Variants in KICS2 observed in about 807,000 individuals in gnomAD.
KICS2 encodes the protein KICSTOR subunit 2, also known as KICSTOR complex protein C12orf66.
KICS2 carries 13 observed loss-of-function variants against 31.4 expected under a neutral mutation model. The observed-to-expected ratio is 0.41, with a 90% CI of 0.27 to 0.66. The LOEUF is 0.66. Among genes scored for constraint, KICS2 ranks in the 30% least tolerant of loss-of-function variants. The pLI, the probability that KICS2 is intolerant of heterozygous loss-of-function variation, is 0.28. For missense variants in KICS2, 455 were observed against 545.4 expected (o/e 0.83, Z 1.65); for synonymous variants, 209 against 214.8 (o/e 0.97, Z 0.24).
chr12:64,193,501 A>T lies in KICS2; in HGVS notation c.*341T>A, dbSNP rs2037401275. ...GAGAGGCTGTTTGGAATTGCAGTAG[A>T]ACACAATGTTTAGAACAACAGAAAA... On this transcript the variant is annotated 3_prime_UTR_variant, in exon 3 of 3. Transcript: ENST00000398055. 1 of 1,040,616 alleles carries T rather than the reference A, an allele frequency of 9.6e-7. No homozygotes were observed. The highest frequency in any genetic ancestry group is 1.2e-6 in the Non-Finnish European group (1 of 865,668). The allele number at this position is 1,040,616 out of a possible 1,614,324, so 64.5% of individuals were successfully genotyped here. A position where few individuals can be genotyped will look rare whatever the true frequency, so the allele number is the denominator to read the frequency against.
At chr12:64,214,656 G>C (rs1463944538) in intron 2 of KICS2, among the ~76,000 whole-genome samples, 1 of 152,102 alleles carries the variant, frequency 6.6e-6, no homozygotes, top group Non-Finnish European at 1.5e-5. Context: ...AAGACAGGGA[G>C]ATCACAAGGT....
chr12:64,206,906 A>G (rs2037543277), intron 2 of KICS2, among the ~76,000 whole-genome samples: 1 of 152,196 alleles, frequency 6.6e-6, no homozygotes, highest in South Asian at 2.1e-4. Flanking sequence ...ATGTTGCTCA[A>G]TGAGTACAGG....
At chr12:64,216,030 C>A in intron 1 of KICS2, 67 bp from the exon 2 acceptor site, 1 of 1,427,658 alleles carries the variant, frequency 7.0e-7, no homozygotes, top group Non-Finnish European at 9.4e-7. Flanking sequence ...AAACACCTAC[C>A]AACATGCAAA....
At chr12:64,201,576 G>A (rs1337972919) in intron 2 of KICS2, among the ~76,000 whole-genome samples, 8 of 126,686 alleles carry the variant, frequency 6.3e-5, no homozygotes, top group Admixed American at 4.5e-4. Flanking sequence ...TGCACAATGT[G>A]CACATGTACC....
chr12:64,192,787 C>T lies in KICS2; in HGVS notation c.*1055G>A. ...CAGCATGTGCTAAGATGCAGTGCTG[C>T]TTCTAAACATAATTTGTGGGGGGCA... On this transcript the variant is annotated 3_prime_UTR_variant, in exon 3 of 3. Transcript: ENST00000398055. The T allele has an allele frequency of 1.0e-6, 1 of 985,456 alleles. No individual in the cohort carries two copies. Among genetic ancestry groups the T allele is most frequent in the Non-Finnish European group, 1.2e-6 (1 of 829,950 alleles). The allele number at this position is 985,456 out of a possible 1,614,324, so 61.0% of individuals were successfully genotyped here. A position where few individuals can be genotyped will look rare whatever the true frequency, so the allele number is the denominator to read the frequency against.
At position 64,194,554 on chromosome 12, in the gene KICS2, A is replaced by G; in HGVS notation, c.626T>C (p.Phe209Ser). 6.2e-7 allele frequency: 1 copy of G among 1,614,080 alleles called. No individual in the cohort carries two copies. The highest frequency in any genetic ancestry group is 1.3e-5 in the African/African-American group (1 of 74,986). ...KAQAQVSEWKFLPSLVNLHSA... is the reference protein window; with the variant it reads ...KAQAQVSEWKSLPSLVNLHSA... Reference sequence around the variant, plus strand: ...GTGTAAATTAACCAGAGATGGGAGGAACTTCCACTCTGAGACCTGGGCCTG... The same window carrying G: ...GTGTAAATTAACCAGAGATGGGAGGGACTTCCACTCTGAGACCTGGGCCTG... Residue 209 changes from phenylalanine to serine, a missense_variant, in exon 3 of 3, where the codon TTC (phenylalanine) becomes TCC (serine). By Grantham distance (155) the Phe-to-Ser change is radical. Transcript: ENST00000398055.
chr12:64,192,712 C>T lies in KICS2; in HGVS notation c.*1130G>A, dbSNP rs1347321477. 1 of 985,450 alleles carries T rather than the reference C, an allele frequency of 1.0e-6. No individual in the cohort carries two copies. The allele number at this position is 985,450 out of a possible 1,614,324, so 61.0% of individuals were successfully genotyped here. On this transcript the variant is annotated 3_prime_UTR_variant, in exon 3 of 3. Transcript: ENST00000398055. ...AGGTCTCCACAGCCCATTATGCCTT[C>T]ACTGATCCACCTACTTCCCATGAAC...
In KICS2 at chr12:64,193,898, G is replaced by A; in HGVS notation, c.1282C>T (p.Leu428Phe). The A allele has an allele frequency of 6.2e-7, 1 of 1,614,224 alleles. No individual in the cohort carries two copies. The highest frequency in any genetic ancestry group is 8.5e-7 in the Non-Finnish European group (1 of 1,180,038). ...HFISFLNEVS[L>F]ALKNPKVFAS... ...AACACTTTGGGGTTCTTAAGGGCAA[G>A]TGAGACCTCATTGAGGAAGGAAATA... is the stretch of plus-strand genomic sequence containing the variant. The change falls in exon 3 of 3, where the codon CTT becomes TTT. Residue 428 changes from leucine (L) to phenylalanine (F), a missense_variant. Physicochemically the swap from Leu to Phe is conservative, Grantham distance 22. Coordinates refer to ENST00000398055, the MANE Select transcript of KICS2 (RefSeq NM_152440.5).
downstream of KICS2, among the ~76,000 whole-genome samples, chr12:64,190,139 G>A (rs1455189762): frequency 6.6e-6 from 1 of 152,108 alleles, no homozygotes; most frequent in African/African-American, 2.4e-5. Context: ...ATAATAACTA[G>A]GTACAGGTTT....
chr12:64,215,569 TCA>T, intron 2 of KICS2, 107 bp downstream of exon 2: 2 of 986,720 alleles, frequency 2.0e-6, no homozygotes, highest in Non-Finnish European at 2.9e-6. Context: ...GTTATTTATT[TCA>T]CAGTTATTTC....
intron 2 of KICS2, 167 bp from the exon 3 acceptor site, chr12:64,194,825 T>A: frequency 1.6e-6 from 1 of 628,932 alleles, no homozygotes; most frequent in Non-Finnish European, 2.0e-6. Context: ...AATTCTGATA[T>A]AATTTCACCA....
chr12:64,194,094 G>A lies in KICS2; in HGVS notation c.1086C>T (p.Pro362=), dbSNP rs769547546. The A allele has an allele frequency of 6.2e-7, 1 of 1,614,138 alleles. No homozygotes were observed. The highest frequency in any genetic ancestry group is 8.5e-7 in the Non-Finnish European group (1 of 1,180,032). The change falls in exon 3 of 3, where the codon CCC becomes CCT. Residue 362 remains proline, a synonymous_variant. Transcript: ENST00000398055. ...GGTCCGTCATGATCATGATGACATT[G>A]GGCCAGTGCATGACTGGCCTGTCGC... ...LPSDRPVMHW[P]NVIMIMTDRT...
rs2037386569 is a variant in KICS2, at chr12:64,192,217, C to CA, written c.*1624dup. 2 of 151,972 alleles carry CA rather than the reference C, an allele frequency of 1.3e-5. No individual in the cohort carries two copies. Among genetic ancestry groups the CA allele is most frequent in the Admixed American group, 1.3e-4 (2 of 15,224 alleles). 9.4% of individuals were successfully genotyped at this position (151,972 alleles called of 1,614,324 possible). A position where few individuals can be genotyped will look rare whatever the true frequency, so the allele number is the denominator to read the frequency against. On this transcript the variant is annotated 3_prime_UTR_variant, in exon 3 of 3. Coordinates refer to ENST00000398055, the MANE Select transcript of KICS2 (RefSeq NM_152440.5). The stretch of plus-strand genomic sequence containing the variant: ...TCAGCTCACTGCATCCTCCACCTCC[C>CA]AGGTTCAAGCAATTCTCCTGCCTCA...
At chr12:64,212,441 T>C (rs1356598469) in intron 2 of KICS2, among the ~76,000 whole-genome samples, 1 of 152,226 alleles carries the variant, frequency 6.6e-6, no homozygotes, top group Non-Finnish European at 1.5e-5. Context: ...TGGTCTTTTA[T>C]GACTAGCTTC....
chr12:64,219,802 C>A (rs2136709687), intron 1 of KICS2, among the ~76,000 whole-genome samples: 1 of 152,200 alleles, frequency 6.6e-6, no homozygotes, highest in Non-Finnish European at 1.5e-5. Context: ...GCTAAAAAAA[C>A]TTTTCAGAAT....
chr12:64,217,470 A>G (rs1592389836), intron 1 of KICS2, among the ~76,000 whole-genome samples: 1 of 143,916 alleles, frequency 6.9e-6, no homozygotes, highest in African/African-American at 2.5e-5. Context: ...GCTGATGAGG[A>G]AAAAAAAAAA....
At chr12:64,207,106 A>G (rs1479471323) in intron 2 of KICS2, among the ~76,000 whole-genome samples, 1 of 151,988 alleles carries the variant, frequency 6.6e-6, no homozygotes, top group Non-Finnish European at 1.5e-5. Flanking sequence ...CGCGTTCAAG[A>G]CCAGCCTGGG....
chr12:64,193,566 A>C lies in KICS2; in HGVS notation c.*276T>G, dbSNP rs1291209598. The C allele has an allele frequency of 2.5e-6, 3 of 1,178,102 alleles. No individual in the cohort carries two copies. The highest frequency in any genetic ancestry group is 4.2e-5 in the East Asian group (1 of 23,664). The allele number at this position is 1,178,102 out of a possible 1,614,324, so 73.0% of individuals were successfully genotyped here. On this transcript the variant is annotated 3_prime_UTR_variant, in exon 3 of 3. Coordinates refer to ENST00000398055, the MANE Select transcript of KICS2 (RefSeq NM_152440.5). ...AAAAAGCCCAATAAATATTCAATCT[A>C]CAAGAAATATAGCAAAATAGGGGAA...
intron 1 of KICS2, 105 bp downstream of exon 1, chr12:64,221,898 G>C (rs1168230521): frequency 8.0e-7 from 1 of 1,251,050 alleles, no homozygotes; most frequent in African/African-American, 1.5e-5. Context: ...AGTCGAGCCT[G>C]CGACTAGAAG....
Sources: gnomAD v4.1 joint callset for allele counts (sites outside exome capture counted in the v4.1 genomes callset) on GRCh38, gnomAD v4.1.1 for gene constraint, MANE v1.5 for transcripts, NCBI Gene and HGNC (gene_info 2026-07-23, HGNC 2026-07-21) for gene names.